CDC42BPB: variants seen among roughly 807,000 people sequenced by gnomAD.
CDC42BPB encodes the protein serine/threonine-protein kinase MRCK beta.
In CDC42BPB, 37 loss-of-function variants were observed where a neutral mutation model predicts 214.9. That is an observed-to-expected ratio of 0.17 (90% CI 0.13 to 0.23). The LOEUF (loss-of-function observed/expected upper bound fraction) is 0.23, where lower values mean the gene tolerates loss of function less well. CDC42BPB is among the 10% of genes least tolerant of loss of function. CDC42BPB has a pLI of 1.00. For missense variants in CDC42BPB, 1,694 were observed against 2,227.0 expected, an observed-to-expected ratio of 0.76 and a Z score of 4.82; for synonymous variants, 931 against 884.0, an observed-to-expected ratio of 1.05 and a Z score of -0.94.
chr14:103,036,076 A>G (rs1282171598), intron 1 of CDC42BPB, among the ~76,000 whole-genome samples: 1 of 152,046 alleles, frequency 6.6e-6, no homozygotes, highest in Non-Finnish European at 1.5e-5. Flanking sequence ...ACCTGAGCCC[A>G]GGAGGTCAAG....
At chr14:103,024,068 A>C (rs1886917768) in intron 1 of CDC42BPB, among the ~76,000 whole-genome samples, 1 of 152,210 alleles carries the variant, frequency 6.6e-6, no homozygotes, top group Admixed American at 6.5e-5. Context: ...ACTCCTTCCT[A>C]GTACAACGCC....
intron 5 of CDC42BPB, among the ~76,000 whole-genome samples, chr14:102,989,933 A>G (rs1306550757): frequency 6.6e-6 from 1 of 152,212 alleles, no homozygotes; most frequent in Admixed American, 6.5e-5. Flanking sequence ...ATACATCACT[A>G]AAGTTTTTAA....
chr14:103,007,138 C>T (rs1885875413), intron 3 of CDC42BPB, among the ~76,000 whole-genome samples: 1 of 152,166 alleles, frequency 6.6e-6, no homozygotes, highest in East Asian at 1.9e-4. Context: ...AGCTGGGAGA[C>T]CCAGGGGGCC....
intron 18 of CDC42BPB, chr14:102,964,920 T>C (rs962911760): frequency 2.6e-6 from 1 of 381,912 alleles, no homozygotes; most frequent in Non-Finnish European, 3.6e-6. Context: ...TTCTTTTCTT[T>C]TCTTTTCTTT....
Position 103,030,125 on chromosome 14 carries a change from AGAG to A in CDC42BPB, c.176-17940_176-17938del, listed in dbSNP as rs34872088. ...GAGGCGCTCACTTTCCTTCCTGAAC[AGAG>A]GAGAAGCGTGGAGCGGCCAGCCCGG... On this transcript the variant is annotated intron_variant, in intron 1 of 36. Coordinates refer to ENST00000361246, the MANE Select transcript of CDC42BPB (RefSeq NM_006035.4). Among the ~76,000 whole-genome samples, 775 of 152,302 alleles carry A rather than the reference AGAG, an allele frequency of 5.1e-3. 11 individuals are homozygous for A. The highest frequency in any genetic ancestry group is 0.017 in the African/African-American group (724 of 41,566).
At chr14:102,948,086 G>T in intron 26 of CDC42BPB, 1 of 459,658 alleles carries the variant, frequency 2.2e-6, no homozygotes, top group Non-Finnish European at 2.8e-6. Context: ...GACTCGGTTT[G>T]CACTTGGCAC....
At chr14:103,053,137 C>T (rs1460205091) in intron 1 of CDC42BPB, among the ~76,000 whole-genome samples, 2 of 151,922 alleles carry the variant, frequency 1.3e-5, no homozygotes, top group African/African-American at 4.8e-5. Flanking sequence ...ATCACGAGGT[C>T]AGGACTTTAA....
Position 102,944,741 on chromosome 14 carries a change from T to C in CDC42BPB, c.3812-254A>G. The C allele has an allele frequency of 1.2e-6, 1 of 860,532 alleles. No homozygotes were observed. Among genetic ancestry groups the C allele is most frequent in the Middle Eastern group, 6.0e-4 (1 of 1,678 alleles). The allele number at this position is 860,532 out of a possible 1,614,324, so 53.3% of individuals were successfully genotyped here. A position where few individuals can be genotyped will look rare whatever the true frequency, so the allele number is the denominator to read the frequency against. On this transcript the variant is annotated intron_variant, in intron 29 of 36. Coordinates refer to ENST00000361246, the MANE Select transcript of CDC42BPB (RefSeq NM_006035.4). The surrounding 1 kb of genome is among the most constrained non-coding windows in gnomAD (Gnocchi z 6.6). ...CCTCGGGGGCTGGTCCAAAGGCTCC[T>C]CTGCCTCTGCTGCTGTGCACACCCC...
At chr14:102,947,418 T>C (rs1402465349) in intron 27 of CDC42BPB, among the ~76,000 whole-genome samples, 1 of 152,132 alleles carries the variant, frequency 6.6e-6, no homozygotes, top group Non-Finnish European at 1.5e-5. Context: ...CGCCTGGCAG[T>C]GCACACGCTG....
chr14:103,017,944 G>A (rs1886557450), intron 1 of CDC42BPB, among the ~76,000 whole-genome samples: 1 of 152,234 alleles, frequency 6.6e-6, no homozygotes, highest in Non-Finnish European at 1.5e-5. Flanking sequence ...ACATGCTAAA[G>A]CAGTGGTCCC....
intron 21 of CDC42BPB, among the ~76,000 whole-genome samples, chr14:102,957,024 C>CAAAAAAAAAA (rs1183767118): frequency 2.1e-5 from 1 of 48,190 alleles, no homozygotes. Context: ...ACTAAAAATA[C>CAAAAAAAAAA]AAAAAAAAAA....
At chr14:103,047,972 G>GCTA (rs963484054) in intron 1 of CDC42BPB, among the ~76,000 whole-genome samples, 3 of 151,078 alleles carry the variant, frequency 2.0e-5, no homozygotes, top group Non-Finnish European at 4.4e-5. Flanking sequence ...TTCTCAGGAA[G>GCTA]CTACTAGAAG....
At chr14:102,933,879 GC>G in intron 36 of CDC42BPB, 36 bp from the exon 37 acceptor site, 1 of 1,480,190 alleles carries the variant, frequency 6.8e-7, no homozygotes. Flanking sequence ...AGCACCCGCT[GC>G]CCTAGCCTGG....
intron 30 of CDC42BPB, 196 bp from the exon 31 acceptor site, chr14:102,940,520 A>AT (rs1244529825): frequency 1.2e-5 from 17 of 1,364,294 alleles, no homozygotes; most frequent in African/African-American, 7.3e-5. Flanking sequence ...AACACAATCC[A>AT]ATGTTTAAAT....
In CDC42BPB at chr14:103,001,457, C is replaced by T. The variant is rs1402768208; in HGVS notation, c.448-1744G>A. 6.6e-6 allele frequency among the ~76,000 whole-genome samples: 1 copy of T among 152,142 alleles called. No individual in the cohort carries two copies. Among genetic ancestry groups the T allele is most frequent in the Non-Finnish European group, 1.5e-5 (1 of 68,030 alleles). ...CCAAGCAGAGGCCTGAGGGGAGCCG[C>T]GGTCGTGCTCCAGATGAAGGGGTGC... On this transcript the variant is annotated intron_variant, in intron 4 of 36. Transcript: ENST00000361246. The surrounding 1 kb of genome is among the most constrained non-coding windows in gnomAD (Gnocchi z 5.8).
At chr14:103,040,225 G>T (rs916144445) in intron 1 of CDC42BPB, among the ~76,000 whole-genome samples, 1 of 151,856 alleles carries the variant, frequency 6.6e-6, no homozygotes, top group African/African-American at 2.4e-5. Context: ...CGTCGTGGCG[G>T]GTGCCTGCAA....
At chr14:102,973,828 G>A (rs1893600597) in intron 12 of CDC42BPB, among the ~76,000 whole-genome samples, 188 bp downstream of exon 12, 1 of 152,236 alleles carries the variant, frequency 6.6e-6, no homozygotes, top group African/African-American at 2.4e-5. Context: ...GCCAGCCGAC[G>A]CGGGGGCTGT....
intron 26 of CDC42BPB, among the ~76,000 whole-genome samples, chr14:102,948,813 C>G (rs1248197468): frequency 6.6e-6 from 1 of 151,952 alleles, no homozygotes; most frequent in Admixed American, 6.6e-5. Flanking sequence ...GGGCCCCTGA[C>G]TTGGGCTCAT....
At chr14:103,024,741 C>A (rs764186777) in intron 1 of CDC42BPB, among the ~76,000 whole-genome samples, 1 of 152,176 alleles carries the variant, frequency 6.6e-6, no homozygotes, top group African/African-American at 2.4e-5. Context: ...ACTTTCTGAA[C>A]ATCTACATAT....
Sources: allele counts gnomAD v4.1 joint callset (sites outside exome capture counted in the v4.1 genomes callset), GRCh38; gene constraint gnomAD v4.1.1; non-coding constraint Gnocchi (gnomAD v3.1); transcripts MANE v1.5; gene names NCBI Gene and HGNC (gene_info 2026-07-23, HGNC 2026-07-21).